Variants in KCP observed in about 807,000 individuals in gnomAD.
KCP encodes kielin/chordin-like protein.
A neutral mutation model predicts 212.7 loss-of-function variants in KCP; 194 were observed. The ratio of observed to expected loss-of-function variants is 0.91; its 90% CI spans 0.81 to 1.03. The LOEUF (loss-of-function observed/expected upper bound fraction) is 1.03, where lower values mean the gene tolerates loss of function less well. Among genes scored for constraint, KCP ranks in the 50% least tolerant of loss-of-function variants. The probability of loss-of-function intolerance (pLI) is 0.00; values close to 1 mark genes in which losing one functional copy is unlikely to be tolerated. For synonymous variants in KCP, 833 were observed against 865.3 expected (o/e 0.96, Z 0.65); for missense variants, 2,080 against 2,162.5 (o/e 0.96, Z 0.76).
At position 128,890,980 on chromosome 7, in the gene KCP, A is replaced by C; in HGVS notation, c.2089T>G (p.Ser697Ala). The change falls in exon 20 of 40, where the codon TCC (serine) becomes GCC (alanine). Residue 697 changes from serine (S) to alanine (A), a missense_variant. Transcript: ENST00000610776. ...GGCGGGCAGGGCAGCCGCTGGCAGG[A>C]CACGGAGCCGTCGAGGCAGAGGCAG... is the stretch of plus-strand genomic sequence containing the variant. Reference protein sequence around the residue: ...RRCLCLDGSVSCQRLPCPPAP... With the variant: ...RRCLCLDGSVACQRLPCPPAP... The C allele has an allele frequency of 1.5e-6, 2 of 1,310,486 alleles. No individual in the cohort carries two copies. Among genetic ancestry groups the C allele is most frequent in the Non-Finnish European group, 1.9e-6 (2 of 1,035,748 alleles). 81.2% of individuals were successfully genotyped at this position (1,310,486 alleles called of 1,614,324 possible). A position where few individuals can be genotyped will look rare whatever the true frequency, so the allele number is the denominator to read the frequency against.
At position 128,877,226 on chromosome 7, in the gene KCP, G is replaced by A. The variant is rs1194307350; in HGVS notation, c.4704C>T (p.Pro1568=). The part of the protein sequence containing the change: ...CPRTCFNQHI[P]LGELAAHCVR... The stretch of plus-strand genomic sequence containing the variant: ...CGCAGTGGGCTGCCAGCTCCCCCAG[G>A]GGGATATGCTGATTGAAGCAGGTGC... Residue 1568 remains proline, a synonymous_variant, in exon 40 of 40, where the codon CCC becomes CCT. Transcript: ENST00000610776. The A allele has an allele frequency of 4.0e-6, 6 of 1,481,532 alleles. No homozygotes were observed. The South Asian group carries it at 8.2e-5, about 20-fold the overall frequency. 91.8% of individuals were successfully genotyped at this position (1,481,532 alleles called of 1,614,324 possible).
chr7:128,907,932 C>T (rs999126616), intron 2 of KCP, among the ~76,000 whole-genome samples: 3 of 152,016 alleles, frequency 2.0e-5, no homozygotes, highest in Non-Finnish European at 4.4e-5. Context: ...AGTTCGAGAC[C>T]AGCCTGGCCA....
chr7:128,889,579 G>T (rs1422720138), intron 21 of KCP, among the ~76,000 whole-genome samples: 2 of 152,176 alleles, frequency 1.3e-5, no homozygotes, highest in African/African-American at 4.8e-5. Flanking sequence ...TATCTGACAA[G>T]GATTTAACAA....
intron 7 of KCP, 200 bp from the exon 8 acceptor site, chr7:128,903,059 C>A: frequency 1.7e-6 from 1 of 601,876 alleles, no homozygotes; most frequent in Non-Finnish European, 3.0e-6. Context: ...CTTAGCCCGC[C>A]CTTTCTGGTC....
chr7:128,879,163 TGA>T, intron 37 of KCP: 1 of 352,342 alleles, frequency 2.8e-6, no homozygotes, highest in Non-Finnish European at 5.2e-6. Context: ...CTCTTCCACA[TGA>T]GAGTTGGAAG....
rs992357912 is a variant in KCP, at chr7:128,877,503, C to A, written c.4599G>T (p.Trp1533Cys). 25 of 1,551,146 alleles carry A rather than the reference C, an allele frequency of 1.6e-5. No homozygotes were observed. The highest frequency in any genetic ancestry group is 2.2e-5 in the Non-Finnish European group (25 of 1,146,968). Residue 1533 changes from tryptophan to cysteine, a missense_variant, in exon 39 of 40, where the codon TGG (tryptophan) becomes TGT (cysteine). By Grantham distance (215) the Trp-to-Cys change is radical. Coordinates refer to ENST00000610776, the MANE Select transcript of KCP (RefSeq NM_001366122.1). Reference sequence around the variant, plus strand: ...CCTCACCACACAGCGTGGGGCCTCGCCAGGTAGGTGTCACTCCTGCCTGGC... The same window carrying A: ...CCTCACCACACAGCGTGGGGCCTCGACAGGTAGGTGTCACTCCTGCCTGGC... ...HCRQAGVTPT[W>C]RGPTLCVVGC... is the part of the protein sequence containing the mutation.
chr7:128,890,198 G>T, intron 21 of KCP, 145 bp downstream of exon 21: 1 of 1,478,714 alleles, frequency 6.8e-7, no homozygotes, highest in South Asian at 1.3e-5. Context: ...GGGGTCACAG[G>T]CTTCAGCTAG....
At position 128,888,448 on chromosome 7, in the gene KCP, CCACA is replaced by C. The variant is rs375968363; in HGVS notation, c.2512+411_2512+414del. Among the ~76,000 whole-genome samples, 647 of 114,940 alleles carry C rather than the reference CCACA, an allele frequency of 5.6e-3. 9 individuals carry two copies. Among genetic ancestry groups the C allele is most frequent in the African/African-American group, 0.021 (620 of 30,222 alleles). The allele number at this position is 114,940 out of a possible 152,430, so 75.4% of individuals were successfully genotyped here. On this transcript the variant is annotated intron_variant, in intron 22 of 39. Transcript: ENST00000610776. Reference sequence around the variant, plus strand: ...CACATACACACACATATACACACGGCCACACACACACAGAGCAACACACACACAC... The same window carrying C: ...CACATACACACACATATACACACGGCCACACACAGAGCAACACACACACAC...
At chr7:128,890,632 C>T (rs371387942) in intron 20 of KCP, 119 bp from the exon 21 acceptor site, 3,618 of 89,918 alleles carry the variant, frequency 0.04, 100 homozygotes, top group South Asian at 0.17. Flanking sequence ...GGCTGGAGGT[C>T]GTGGGGGCTG....
intron 13 of KCP, 83 bp from the exon 14 acceptor site, chr7:128,893,104 C>T (rs1794279853): frequency 1.5e-5 from 15 of 1,023,272 alleles, no homozygotes; most frequent in South Asian, 8.4e-5. Flanking sequence ...ACCCCACCTT[C>T]GCCATCCCCG....
rs868091825 is a variant in KCP at position 128,890,304 on chromosome 7, G to A, written c.2335+39C>T. The A allele has an allele frequency of 3.9e-6, 6 of 1,551,348 alleles. No individual in the cohort carries two copies. The East Asian group carries it at 7.3e-5, about 19-fold the overall frequency. ...TTCTGACCCAGCCCTCTGGTCTCCC[G>A]CATCCCACCCCGGCAGCTCCCTATC... On this transcript the variant is annotated intron_variant, in intron 21 of 39. Coordinates refer to ENST00000610776, the MANE Select transcript of KCP (RefSeq NM_001366122.1).
intron 38 of KCP, among the ~76,000 whole-genome samples, chr7:128,878,337 C>A (rs1380785312): frequency 1.3e-5 from 2 of 152,170 alleles, no homozygotes; most frequent in Non-Finnish European, 2.9e-5. Flanking sequence ...GGATTATAGG[C>A]ATGAGCCACC....
At chr7:128,884,912 G>T in intron 27 of KCP, 49 bp from the exon 28 acceptor site, 1 of 1,530,504 alleles carries the variant, frequency 6.5e-7, no homozygotes. Flanking sequence ...CTTCAGGCTG[G>T]CAGCGAGGCA....
Position 128,890,965 on chromosome 7 carries a change from G to A in KCP, c.2104C>T (p.Pro702Ser). Residue 702 changes from proline to serine, a missense_variant, in exon 20 of 40, where the codon CCC becomes TCC. Transcript: ENST00000610776. The part of the protein sequence containing the change: ...LDGSVSCQRL[P>S]CPPAPCAHPR... ...TGCGCGCAGGGCGCGGGCGGGCAGG[G>A]CAGCCGCTGGCAGGACACGGAGCCG... 7.8e-7 allele frequency: 1 copy of A among 1,275,276 alleles called. No homozygotes were observed. The highest frequency in any genetic ancestry group is 4.2e-5 in the Admixed American group (1 of 23,666). 79.0% of individuals were successfully genotyped at this position (1,275,276 alleles called of 1,614,324 possible).
chr7:128,879,356 G>A (rs1793177337), intron 37 of KCP, 166 bp downstream of exon 37: 2 of 605,104 alleles, frequency 3.3e-6, no homozygotes, highest in Non-Finnish European at 5.8e-6. Flanking sequence ...ACTGCCTGGG[G>A]AGATCTCTGA....
intron 13 of KCP, 43 bp downstream of exon 13, chr7:128,893,195 A>C (rs746844007): frequency 2.0e-6 from 3 of 1,527,708 alleles, no homozygotes; most frequent in Non-Finnish European, 2.7e-6. Context: ...CAGCCCTCAG[A>C]GGCAGCGCCC....
At chr7:128,900,555 C>G (rs1794787275) in intron 8 of KCP, among the ~76,000 whole-genome samples, 1 of 152,230 alleles carries the variant, frequency 6.6e-6, no homozygotes, top group South Asian at 2.1e-4. Flanking sequence ...GATAATTTTA[C>G]TGATTTTGCT....
intron 30 of KCP, 36 bp from the exon 31 acceptor site, chr7:128,881,761 A>C (rs1793348273): frequency 6.7e-7 from 1 of 1,499,512 alleles, no homozygotes; most frequent in Non-Finnish European, 9.0e-7. Flanking sequence ...AGAATGGCAG[A>C]TCTCAGGGAG....
At chr7:128,894,435 C>A in intron 8 of KCP, 142 bp from the exon 9 acceptor site, 1 of 616,896 alleles carries the variant, frequency 1.6e-6, no homozygotes. Flanking sequence ...ATATGTTGAA[C>A]TCCTCACCCC....
Sources: allele counts gnomAD v4.1 joint callset (sites outside exome capture counted in the v4.1 genomes callset), GRCh38; gene constraint gnomAD v4.1.1; transcripts MANE v1.5; gene names NCBI Gene and HGNC (gene_info 2026-07-23, HGNC 2026-07-21).